PTPN9: variants seen among roughly 807,000 people sequenced by gnomAD.
PTPN9 encodes the protein protein tyrosine phosphatase non-receptor type 9, also known as tyrosine-protein phosphatase non-receptor type 9.
PTPN9 carries 26 observed loss-of-function variants against 69.8 expected under a neutral mutation model. The ratio of observed to expected loss-of-function variants is 0.37; its 90% CI spans 0.27 to 0.52. The LOEUF (loss-of-function observed/expected upper bound fraction) is 0.52. PTPN9 is among the 20% of genes least tolerant of loss of function. The probability of loss-of-function intolerance (pLI) is 0.91; values close to 1 mark genes in which losing one functional copy is unlikely to be tolerated. For synonymous variants in PTPN9, 274 were observed against 272.5 expected, an observed-to-expected ratio of 1.01 and a Z score of -0.05; for missense variants, 549 against 740.3, an observed-to-expected ratio of 0.74 and a Z score of 3.00.
chr15:75,479,790 C>T, intron 9 of PTPN9, 58 bp downstream of exon 9: 1 of 1,398,288 alleles, frequency 7.2e-7, no homozygotes, highest in East Asian at 2.4e-5. Flanking sequence ...TATCATTTGG[C>T]ACAAGGAATC....
chr15:75,503,561 C>A (rs1207557779), intron 7 of PTPN9, among the ~76,000 whole-genome samples: 1 of 110,898 alleles, frequency 9.0e-6, no homozygotes, highest in African/African-American at 3.6e-5. Flanking sequence ...GTCAGCCCCC[C>A]GCCCGGCCAG....
chr15:75,560,091 G>C (rs2075097900), intron 1 of PTPN9, among the ~76,000 whole-genome samples: 1 of 149,402 alleles, frequency 6.7e-6, no homozygotes, highest in Non-Finnish European at 1.5e-5. Context: ...AGTGAGCTGA[G>C]ATAGTGCCAC....
chr15:75,559,833 A>AT (rs1331902458), intron 1 of PTPN9, among the ~76,000 whole-genome samples: 1 of 151,364 alleles, frequency 6.6e-6, no homozygotes, highest in Non-Finnish European at 1.5e-5. Flanking sequence ...AAAAATGAAT[A>AT]TTTTTTTCTT....
At chr15:75,526,984 C>T (rs1158870596) in intron 2 of PTPN9, 134 bp downstream of exon 2, 3 of 1,144,316 alleles carry the variant, frequency 2.6e-6, no homozygotes, top group African/African-American at 3.1e-5. Flanking sequence ...CACAAGGGCT[C>T]CTGGATATGG....
At chr15:75,527,412 A>C in intron 1 of PTPN9, 151 bp from the exon 2 acceptor site, 1 of 780,828 alleles carries the variant, frequency 1.3e-6, no homozygotes, top group Non-Finnish European at 2.0e-6. Flanking sequence ...AAAAGGTAGA[A>C]ACAGGTCTGA....
At chr15:75,481,842 A>G (rs186171775) in intron 8 of PTPN9, among the ~76,000 whole-genome samples, 65,800 of 114,314 alleles carry the variant, frequency 0.58, 20,577 homozygotes, top group African/African-American at 0.79. Context: ...GGGGGGGGTC[A>G]GCGCCCCTGC....
intron 7 of PTPN9, among the ~76,000 whole-genome samples, chr15:75,502,468 G>C (rs2074778725): frequency 6.6e-6 from 1 of 151,930 alleles, no homozygotes; most frequent in Non-Finnish European, 1.5e-5. Context: ...AAAAAAGAGA[G>C]GGAGGGAGGA....
intron 1 of PTPN9, among the ~76,000 whole-genome samples, chr15:75,566,633 C>T (rs916899301): frequency 6.6e-6 from 1 of 151,494 alleles, no homozygotes; most frequent in South Asian, 2.1e-4. Context: ...GAGCTGAGAT[C>T]GCACCACTGC....
At chr15:75,560,614 G>A (rs1595970843) in intron 1 of PTPN9, among the ~76,000 whole-genome samples, 1 of 152,254 alleles carries the variant, frequency 6.6e-6, no homozygotes. Context: ...GCTCACACCT[G>A]TAATCCTAGC....
At chr15:75,494,894 C>T (rs922512784) in intron 7 of PTPN9, among the ~76,000 whole-genome samples, 2 of 151,858 alleles carry the variant, frequency 1.3e-5, no homozygotes, top group African/African-American at 4.8e-5. Flanking sequence ...CATGATGGCA[C>T]ACGCCTGTAG....
At chr15:75,481,904 C>T (rs2074638085) in intron 8 of PTPN9, among the ~76,000 whole-genome samples, 1 of 146,650 alleles carries the variant, frequency 6.8e-6, no homozygotes, top group Non-Finnish European at 1.5e-5. Flanking sequence ...CCGGCCGCCC[C>T]TACTGGGAAG....
chr15:75,521,943 C>A (rs1027917631), intron 4 of PTPN9, among the ~76,000 whole-genome samples: 2 of 152,122 alleles, frequency 1.3e-5, no homozygotes, highest in Non-Finnish European at 2.9e-5. Flanking sequence ...CGGGCTCAGA[C>A]AATCTGCCCA....
chr15:75,563,769 T>C (rs1320985283), intron 1 of PTPN9, among the ~76,000 whole-genome samples: 1 of 152,194 alleles, frequency 6.6e-6, no homozygotes, highest in Non-Finnish European at 1.5e-5. Context: ...AGGTACTCTA[T>C]AGTTTAATAA....
rs964671050 is a variant in PTPN9, at chr15:75,467,307, G to A, written c.*1462C>T. On this transcript the variant is annotated 3_prime_UTR_variant, in exon 13 of 13. Coordinates refer to ENST00000618819, the MANE Select transcript of PTPN9 (RefSeq NM_002833.4). ...GCTTATTACAGTATAAAATTATTGA[G>A]GTCTGATCAGCTGCCAACCTCATCT... 1.3e-5 allele frequency: 2 copies of A among 152,544 alleles called. No homozygotes were observed. The highest frequency in any genetic ancestry group is 4.8e-5 in the African/African-American group (2 of 41,406). The allele number at this position is 152,544 out of a possible 1,614,324, so 9.4% of individuals were successfully genotyped here.
intron 5 of PTPN9, chr15:75,512,802 C>T: frequency 3.7e-6 from 1 of 272,444 alleles, no homozygotes; most frequent in Non-Finnish European, 7.3e-6. Flanking sequence ...CTTCCTCTTC[C>T]ACACCTCTGA....
chr15:75,525,380 G>C (rs988966344), intron 2 of PTPN9, among the ~76,000 whole-genome samples: 2 of 151,292 alleles, frequency 1.3e-5, no homozygotes, highest in African/African-American at 4.9e-5. Context: ...TTTTAGTAGA[G>C]ACGGGGTTTT....
chr15:75,546,306 T>C (rs2075032552), intron 1 of PTPN9, among the ~76,000 whole-genome samples: 1 of 152,080 alleles, frequency 6.6e-6, no homozygotes, highest in East Asian at 1.9e-4. Flanking sequence ...ATTGTTTTCT[T>C]GACTCAGATC....
intron 8 of PTPN9, among the ~76,000 whole-genome samples, chr15:75,480,297 T>A (rs2074621311): frequency 6.6e-6 from 1 of 152,052 alleles, no homozygotes; most frequent in African/African-American, 2.4e-5. Flanking sequence ...AGAGATAAAT[T>A]GGACTATATT....
At chr15:75,504,189 C>CCCG (rs2074798313) in intron 7 of PTPN9, among the ~76,000 whole-genome samples, 1 of 117,686 alleles carries the variant, frequency 8.5e-6, no homozygotes, top group Non-Finnish European at 1.8e-5. Flanking sequence ...GGGGTCAGCC[C>CCCG]CATGTCCGGG....
Sources: gnomAD v4.1 joint callset for allele counts (sites outside exome capture counted in the v4.1 genomes callset) on GRCh38, gnomAD v4.1.1 for gene constraint, MANE v1.5 for transcripts, NCBI Gene and HGNC (gene_info 2026-07-23, HGNC 2026-07-21) for gene names.